The following TTLL9 variants were observed in gnomAD, a reference collection of about 807,000 sequenced individuals.
TTLL9 encodes tubulin tyrosine ligase like 9.
Under a neutral mutation model 65.6 loss-of-function variants are expected in TTLL9, and 47 were observed. The observed-to-expected ratio is 0.72, with a 90% CI of 0.57 to 0.91. The LOEUF is 0.91. Ranked by LOEUF, TTLL9 falls within the 40% of genes least tolerant of loss-of-function variation. The pLI is 0.00. For synonymous variants in TTLL9, 179 were observed against 204.8 expected (o/e 0.87, Z 1.07); for missense variants, 537 against 568.8 (o/e 0.94, Z 0.57).
chr20:31,925,180 G>C (rs143131303), intron 9 of TTLL9, 131 bp downstream of exon 9: 5 of 939,586 alleles, frequency 5.3e-6, no homozygotes, highest in Non-Finnish European at 6.4e-6. Context: ...GGAGATCCCC[G>C]AGGGACATCT....
At chr20:31,923,299 T>A (rs2063841963) in intron 8 of TTLL9, among the ~76,000 whole-genome samples, 1 of 152,206 alleles carries the variant, frequency 6.6e-6, no homozygotes, top group Non-Finnish European at 1.5e-5. Context: ...ACCAACTTAT[T>A]CATGCGTTTA....
chr20:31,922,264 C>CAAA (rs35848180), intron 7 of TTLL9, among the ~76,000 whole-genome samples: 3 of 132,284 alleles, frequency 2.3e-5, no homozygotes, highest in Non-Finnish European at 4.9e-5. Context: ...GACTCATTCT[C>CAAA]AAAAAAAAAA....
intron 2 of TTLL9, among the ~76,000 whole-genome samples, chr20:31,874,653 A>G (rs2063012304): frequency 6.6e-6 from 1 of 151,682 alleles, no homozygotes; most frequent in African/African-American, 2.4e-5. Context: ...CAAGTGATCC[A>G]CCCACCTTGG....
At chr20:31,925,685 C>T (rs907958973) in intron 9 of TTLL9, among the ~76,000 whole-genome samples, 6 of 152,150 alleles carry the variant, frequency 3.9e-5, no homozygotes, top group African/African-American at 1.4e-4. Context: ...GTATCCCCCT[C>T]CACCTGGGGA....
chr20:31,883,306 T>C (rs2063144216), intron 2 of TTLL9, among the ~76,000 whole-genome samples: 1 of 152,138 alleles, frequency 6.6e-6, no homozygotes, highest in Non-Finnish European at 1.5e-5. Context: ...CAAGCGATTC[T>C]TTTGCCTCAG....
In TTLL9 at chr20:31,898,527, C is replaced by T. The variant is rs373587211; in HGVS notation, c.168C>T (p.Asp56=). The change falls in exon 4 of 15, where the codon GAC becomes GAT. Residue 56 remains aspartate, a synonymous_variant. Coordinates refer to ENST00000535842, the MANE Select transcript of TTLL9 (RefSeq NM_001008409.5). ...CCACCCTCATGAACACACTCATGGA[C>T]GTCCTTCGCCACAGGCCAGGATGGG... ...FKTTLMNTLM[D]VLRHRPGWVE... is the part of the protein sequence containing the mutation. 404 of 1,614,180 alleles carry T rather than the reference C, an allele frequency of 2.5e-4. No homozygotes were observed. Among genetic ancestry groups the T allele is most frequent in the Admixed American group, 4.2e-4 (25 of 60,020 alleles).
chr20:31,931,741 T>A (rs1041340110), intron 10 of TTLL9, among the ~76,000 whole-genome samples: 2 of 152,250 alleles, frequency 1.3e-5, no homozygotes, highest in African/African-American at 4.8e-5. Context: ...GGATTAACTT[T>A]TTATTGTTGA....
chr20:31,882,697 T>A (rs1447932814), intron 2 of TTLL9, among the ~76,000 whole-genome samples: 1 of 152,226 alleles, frequency 6.6e-6, no homozygotes. Context: ...AGTATTTATA[T>A]CCCTGGGCTG....
At chr20:31,896,161 A>G (rs1328970713) in intron 3 of TTLL9, among the ~76,000 whole-genome samples, 2 of 151,942 alleles carry the variant, frequency 1.3e-5, no homozygotes, top group Admixed American at 6.6e-5. Flanking sequence ...TATTTTTAGT[A>G]GAGACGCGGT....
intron 10 of TTLL9, among the ~76,000 whole-genome samples, chr20:31,932,705 A>G (rs966653591): frequency 1.3e-5 from 2 of 152,068 alleles, no homozygotes. Context: ...TGGTCATTTC[A>G]TGAGGTTTGG....
chr20:31,905,949 C>T (rs1291767652), intron 4 of TTLL9, among the ~76,000 whole-genome samples: 1 of 147,896 alleles, frequency 6.8e-6, no homozygotes, highest in Non-Finnish European at 1.5e-5. Context: ...AGGAGAATCG[C>T]TTGAACCCGA....
chr20:31,927,002 C>T (rs927584739), intron 10 of TTLL9, among the ~76,000 whole-genome samples: 5 of 151,880 alleles, frequency 3.3e-5, no homozygotes, highest in African/African-American at 1.2e-4. Context: ...GTACTCCCAG[C>T]TACCCACTCA....
intron 3 of TTLL9, among the ~76,000 whole-genome samples, chr20:31,891,927 C>T (rs1295526325): frequency 2.6e-5 from 4 of 151,972 alleles, no homozygotes; most frequent in Non-Finnish European, 2.9e-5. Flanking sequence ...CTCGGCCTCC[C>T]GAGTAGCTGG....
intron 6 of TTLL9, among the ~76,000 whole-genome samples, chr20:31,913,923 G>A (rs1195789848): frequency 2.0e-5 from 3 of 152,242 alleles, no homozygotes; most frequent in Non-Finnish European, 4.4e-5. Flanking sequence ...CCGCCTCGTG[G>A]TGCGGGGAGG....
chr20:31,890,738 G>A (rs916337973), intron 3 of TTLL9, among the ~76,000 whole-genome samples: 1 of 152,238 alleles, frequency 6.6e-6, no homozygotes, highest in Non-Finnish European at 1.5e-5. Context: ...TATCCTAAGT[G>A]AGAGATGAGA....
intron 6 of TTLL9, among the ~76,000 whole-genome samples, chr20:31,911,265 GTCAC>G (rs2063641576): frequency 6.6e-6 from 1 of 152,178 alleles, no homozygotes; most frequent in African/African-American, 2.4e-5. Flanking sequence ...TGCCACAACT[GTCAC>G]TCACCACAAA....
chr20:31,887,364 A>G (rs2063207947), intron 3 of TTLL9, 125 bp downstream of exon 3: 2 of 1,089,824 alleles, frequency 1.8e-6, no homozygotes, highest in Admixed American at 2.1e-5. Flanking sequence ...AGAAGGAGTA[A>G]TGCTAAACCA....
intron 3 of TTLL9, among the ~76,000 whole-genome samples, chr20:31,895,012 A>T (rs2063362558): frequency 6.6e-6 from 1 of 152,170 alleles, no homozygotes; most frequent in Non-Finnish European, 1.5e-5. Context: ...TCTGGTCTCC[A>T]ACTCCAGTTT....
intron 11 of TTLL9, chr20:31,934,393 T>C: frequency 1.7e-6 from 1 of 572,530 alleles, no homozygotes; most frequent in Non-Finnish European, 3.3e-6. Context: ...CTCCTTGGCC[T>C]TGGGATGCAC....
Sources: gnomAD v4.1 joint callset for allele counts (sites outside exome capture counted in the v4.1 genomes callset) on GRCh38, gnomAD v4.1.1 for gene constraint, MANE v1.5 for transcripts, NCBI Gene and HGNC (gene_info 2026-07-23, HGNC 2026-07-21) for gene names.